Variants in RAB11FIP2 observed in about 807,000 individuals in gnomAD.
The protein encoded by RAB11FIP2 is RAB11 family interacting protein 2.
Under a neutral mutation model 40.9 loss-of-function variants are expected in RAB11FIP2, and 16 were observed. That is an observed-to-expected ratio of 0.39 (90% CI 0.26 to 0.59). The LOEUF is 0.59. Among genes scored for constraint, RAB11FIP2 ranks in the 20% least tolerant of loss-of-function variants. RAB11FIP2 has a pLI of 0.53. For synonymous variants in RAB11FIP2, 228 were observed against 213.7 expected (o/e 1.07, Z -0.58); for missense variants, 532 against 606.2 (o/e 0.88, Z 1.28).
chr10:118,011,244 T>A (rs1846151031), intron 4 of RAB11FIP2, among the ~76,000 whole-genome samples: 1 of 152,148 alleles, frequency 6.6e-6, no homozygotes, highest in South Asian at 2.1e-4. Flanking sequence ...TGGAAACAGA[T>A]GTAAGTTTCA....
At chr10:118,034,082 C>T (rs746166421) in intron 3 of RAB11FIP2, 2 of 698,558 alleles carry the variant, frequency 2.9e-6, no homozygotes, top group South Asian at 1.5e-5. Flanking sequence ...CTTTGTGGGC[C>T]ATATGGTCTC....
At chr10:118,029,679 T>C (rs1263267744) in intron 3 of RAB11FIP2, among the ~76,000 whole-genome samples, 1 of 152,110 alleles carries the variant, frequency 6.6e-6, no homozygotes, top group Non-Finnish European at 1.5e-5. Flanking sequence ...CCTGATGGGC[T>C]AGAGTAGCAC....
chr10:118,028,906 T>C (rs1266548902), intron 3 of RAB11FIP2, among the ~76,000 whole-genome samples: 1 of 152,006 alleles, frequency 6.6e-6, no homozygotes, highest in East Asian at 1.9e-4. Flanking sequence ...GTTTCAGTGC[T>C]AAAAAACAAA....
At chr10:118,044,096 AG>A (rs1468009889) in intron 1 of RAB11FIP2, among the ~76,000 whole-genome samples, 2 of 152,230 alleles carry the variant, frequency 1.3e-5, no homozygotes, top group East Asian at 3.8e-4. Flanking sequence ...TTCTATAAGG[AG>A]AGACCATAAT....
intron 3 of RAB11FIP2, among the ~76,000 whole-genome samples, chr10:118,028,671 G>C (rs2133174033): frequency 6.6e-6 from 1 of 152,222 alleles, no homozygotes; most frequent in Admixed American, 6.5e-5. Flanking sequence ...GCCTGGAAAA[G>C]TAGTGTCCAC....
At chr10:118,028,020 T>C (rs187041086) in intron 3 of RAB11FIP2, among the ~76,000 whole-genome samples, 1 of 152,268 alleles carries the variant, frequency 6.6e-6, no homozygotes, top group East Asian at 1.9e-4. Context: ...TTTAACACAG[T>C]TTATTCTGCT....
chr10:118,014,534 T>C (rs1284628869), intron 4 of RAB11FIP2, among the ~76,000 whole-genome samples: 1 of 152,144 alleles, frequency 6.6e-6, no homozygotes, highest in African/African-American at 2.4e-5. Flanking sequence ...ATTTAGGTGG[T>C]CGCTACCAAT....
At chr10:118,038,747 A>G (rs902643431) in intron 3 of RAB11FIP2, among the ~76,000 whole-genome samples, 7 of 152,228 alleles carry the variant, frequency 4.6e-5, no homozygotes, top group African/African-American at 1.7e-4. Flanking sequence ...AAGTGGAAGT[A>G]GACCAGGATA....
At position 118,024,089 on chromosome 10, in the gene RAB11FIP2, TA is replaced by T. The variant is rs11410516; in HGVS notation, c.1266-8980del. ...TGGGCAACAGAGTGAGACTCTGTCT[TA>T]AAAAAAAAAAAAAAAAGAATAGAAT... On this transcript the variant is annotated intron_variant, in intron 3 of 4. Coordinates refer to ENST00000355624, the MANE Select transcript of RAB11FIP2 (RefSeq NM_014904.3). 4.3e-3 allele frequency among the ~76,000 whole-genome samples: 546 copies of T among 126,914 alleles called. 1 individual carries two copies. Among genetic ancestry groups the T allele is most frequent in the East Asian group, 0.011 (48 of 4,404 alleles). 83.3% of individuals were successfully genotyped at this position (126,914 alleles called of 152,430 possible).
Position 118,040,557 on chromosome 10 carries a change from C to T in RAB11FIP2, c.362G>A (p.Arg121Lys). Reference sequence around the variant, plus strand: ...TCGTTTTCCTTGTTTGGATTCTAATCTAAACCACCTTAAAGAGAAGAAAAA... The same window carrying T: ...TCGTTTTCCTTGTTTGGATTCTAATTTAAACCACCTTAAAGAGAAGAAAAA... The part of the protein sequence containing the change: ...DKQRRKTEWF[R>K]LESKQGKRIK... Residue 121 changes from arginine to lysine, a missense_variant, in exon 2 of 5, where the codon AGA (arginine) becomes AAA (lysine). By Grantham distance (26) the Arg-to-Lys change is conservative. Coordinates refer to ENST00000355624, the MANE Select transcript of RAB11FIP2 (RefSeq NM_014904.3). 6.3e-7 allele frequency: 1 copy of T among 1,599,950 alleles called. No homozygotes were observed. The highest frequency in any genetic ancestry group is 1.1e-5 in the South Asian group (1 of 88,794).
Position 118,041,059 on chromosome 10 carries a change from C to A in RAB11FIP2, c.354-494G>T, listed in dbSNP as rs552636158. 4.6e-5 allele frequency among the ~76,000 whole-genome samples: 7 copies of A among 152,142 alleles called. No individual in the cohort carries two copies. The South Asian group carries it at 1.5e-3, about 32-fold the overall frequency. On this transcript the variant is annotated intron_variant, in intron 1 of 4. Coordinates refer to ENST00000355624, the MANE Select transcript of RAB11FIP2 (RefSeq NM_014904.3). Reference sequence around the variant, plus strand: ...TACCTGGCCCCATCCCAAAATATTACTTACGTAAAAGTAGCAAAAGAATTT... The same window carrying A: ...TACCTGGCCCCATCCCAAAATATTAATTACGTAAAAGTAGCAAAAGAATTT...
chr10:118,030,029 G>A (rs925106391), intron 3 of RAB11FIP2, among the ~76,000 whole-genome samples: 1 of 152,132 alleles, frequency 6.6e-6, no homozygotes, highest in Non-Finnish European at 1.5e-5. Flanking sequence ...GGAAAGCAAG[G>A]TTAATTTGCA....
intron 3 of RAB11FIP2, among the ~76,000 whole-genome samples, chr10:118,024,979 G>A (rs1025032680): frequency 1.2e-4 from 19 of 152,026 alleles, no homozygotes; most frequent in Admixed American, 4.6e-4. Context: ...ACTTCCAGGG[G>A]CCCCCCAGTT....
intron 1 of RAB11FIP2, among the ~76,000 whole-genome samples, chr10:118,043,231 T>G (rs2133184914): frequency 6.6e-6 from 1 of 152,174 alleles, no homozygotes; most frequent in African/African-American, 2.4e-5. Flanking sequence ...GGTGCACCGC[T>G]GAGACACACA....
chr10:118,031,659 T>C (rs1211800355), intron 3 of RAB11FIP2, among the ~76,000 whole-genome samples: 2 of 152,132 alleles, frequency 1.3e-5, no homozygotes. Context: ...AGATACTATT[T>C]CTGTACCATC....
rs536290475 is a variant in RAB11FIP2 at position 118,023,341 on chromosome 10, G to A, written c.1266-8231C>T. On this transcript the variant is annotated intron_variant, in intron 3 of 4. Coordinates refer to ENST00000355624, the MANE Select transcript of RAB11FIP2 (RefSeq NM_014904.3). ...GGAATCTTTAGCACATTCCAATTAC[G>A]TTCATTATACATGCAAATAAGCCTT... Among the ~76,000 whole-genome samples the A allele has an allele frequency of 4.1e-4, 63 of 152,118 alleles. 1 individual carries two copies. In the South Asian group the frequency reaches 0.013, roughly 31 times the overall value.
chr10:118,030,418 T>C (rs1303842004), intron 3 of RAB11FIP2, among the ~76,000 whole-genome samples: 1 of 152,142 alleles, frequency 6.6e-6, no homozygotes, highest in Non-Finnish European at 1.5e-5. Context: ...TTATCCAGTG[T>C]CCAGTGCCTA....
intron 3 of RAB11FIP2, among the ~76,000 whole-genome samples, chr10:118,015,319 C>T (rs532493701): frequency 1.4e-4 from 22 of 152,086 alleles, no homozygotes; most frequent in Non-Finnish European, 2.6e-4. Flanking sequence ...TGAAGGAAAA[C>T]TTTTTAGTTA....
intron 3 of RAB11FIP2, among the ~76,000 whole-genome samples, chr10:118,019,530 T>C (rs565892341): frequency 4.6e-5 from 7 of 152,176 alleles, no homozygotes; most frequent in African/African-American, 1.4e-4. Context: ...CTCTAGAGAC[T>C]TGGGGATTCA....
Sources: gnomAD v4.1 joint callset for allele counts (sites outside exome capture counted in the v4.1 genomes callset) on GRCh38, gnomAD v4.1.1 for gene constraint, MANE v1.5 for transcripts, NCBI Gene and HGNC (gene_info 2026-07-23, HGNC 2026-07-21) for gene names.